RIC3: variants seen among roughly 807,000 people sequenced by gnomAD.
RIC3 encodes the protein protein RIC-3.
In RIC3, 28 loss-of-function variants were observed where a neutral mutation model predicts 27.3. The observed-to-expected ratio is 1.02, with a 90% CI of 0.76 to 1.41. The LOEUF is 1.41. Ranked by LOEUF, RIC3 falls within the 40% of genes most tolerant of loss-of-function variation. The pLI is 0.00. For missense variants in RIC3, 501 were observed against 444.7 expected (o/e 1.13, Z -1.14); for synonymous variants, 184 against 160.4 (o/e 1.15, Z -1.11).
chr11:8,121,573 G>T (rs867977272), intron 5 of RIC3, among the ~76,000 whole-genome samples: 1 of 152,116 alleles, frequency 6.6e-6, no homozygotes, highest in East Asian at 1.9e-4. Context: ...AAAATTAGCT[G>T]GGCATGGTGG....
intron 1 of RIC3, among the ~76,000 whole-genome samples, chr11:8,158,134 T>C (rs1161639784): frequency 1.3e-5 from 2 of 152,198 alleles, no homozygotes; most frequent in African/African-American, 2.4e-5. Context: ...TGTATATGTA[T>C]GTCATACATG....
chr11:8,111,711 C>T (rs541083369), intron 5 of RIC3, among the ~76,000 whole-genome samples: 2 of 152,204 alleles, frequency 1.3e-5, no homozygotes, highest in Non-Finnish European at 2.9e-5. Flanking sequence ...ACTGCATTTT[C>T]GGAAGACAGA....
At chr11:8,148,986 C>G (rs1949980344) in intron 1 of RIC3, among the ~76,000 whole-genome samples, 1 of 145,718 alleles carries the variant, frequency 6.9e-6, no homozygotes, top group African/African-American at 2.6e-5. Context: ...CAAGACCATC[C>G]TGGCTAACAC....
downstream of RIC3, chr11:8,103,419 C>T (rs1259876494): frequency 1.3e-5 from 2 of 152,246 alleles, no homozygotes; most frequent in Non-Finnish European, 2.9e-5. Context: ...GTATTTTAAA[C>T]GTGTTAGGCT....
the RIC3 span, chr11:8,098,737 CTG>C: frequency 7.0e-6 from 11 of 1,573,642 alleles, no homozygotes; most frequent in Non-Finnish European, 9.6e-6. Context: ...TGACTCTATA[CTG>C]ATTGTGCCTT....
At chr11:8,157,814 TCAAG>T (rs141749285) in intron 1 of RIC3, among the ~76,000 whole-genome samples, 27 of 152,354 alleles carry the variant, frequency 1.8e-4, no homozygotes, top group Non-Finnish European at 2.6e-4. Flanking sequence ...GGATGACTGA[TCAAG>T]CAAGGTATTC....
downstream of RIC3, chr11:8,101,834 GGATGAGAATA>G: frequency 1.4e-6 from 1 of 703,244 alleles, no homozygotes. Context: ...GGGTGTGAAG[GGATGAGAATA>G]ATTCTTTCCA....
chr11:8,161,874 A>C (rs962447118), intron 1 of RIC3, among the ~76,000 whole-genome samples: 2 of 151,658 alleles, frequency 1.3e-5, no homozygotes, highest in Admixed American at 6.6e-5. Flanking sequence ...GAATGTGAGG[A>C]GGTAATGTCC....
At chr11:8,160,622 C>G (rs1489860355) in intron 1 of RIC3, among the ~76,000 whole-genome samples, 1 of 152,146 alleles carries the variant, frequency 6.6e-6, no homozygotes, top group East Asian at 1.9e-4. Flanking sequence ...GCTCAGAATT[C>G]TAATATACAG....
intron 4 of RIC3, among the ~76,000 whole-genome samples, chr11:8,130,580 T>C (rs1282833285): frequency 6.6e-6 from 1 of 152,154 alleles, no homozygotes; most frequent in African/African-American, 2.4e-5. Context: ...TTTTCTTCCA[T>C]TAGGTCCCCT....
At chr11:8,116,027 T>G (rs964246982) in intron 5 of RIC3, among the ~76,000 whole-genome samples, 2 of 152,162 alleles carry the variant, frequency 1.3e-5, no homozygotes, top group African/African-American at 4.8e-5. Flanking sequence ...CAAAACAGTA[T>G]GTTACTGGCA....
intron 1 of RIC3, among the ~76,000 whole-genome samples, chr11:8,145,397 G>T (rs1292603059): frequency 6.6e-6 from 1 of 151,942 alleles, no homozygotes; most frequent in Non-Finnish European, 1.5e-5. Flanking sequence ...CATTTCTCTA[G>T]CTCCTTTGTG....
downstream of RIC3, chr11:8,101,110 A>G (rs1342766696): frequency 2.3e-6 from 3 of 1,302,502 alleles, no homozygotes; most frequent in South Asian, 1.4e-5. Context: ...AATGTGAGCT[A>G]TACAGCTAAG....
At chr11:8,130,623 C>T (rs78635737) in intron 4 of RIC3, among the ~76,000 whole-genome samples, 3,941 of 152,166 alleles carry the variant, frequency 0.026, 87 homozygotes, top group South Asian at 0.078. Context: ...TCTCACTGGC[C>T]TATTACCATT....
downstream of RIC3, among the ~76,000 whole-genome samples, chr11:8,101,228 G>C (rs1409969849): frequency 6.6e-6 from 1 of 152,152 alleles, no homozygotes; most frequent in Non-Finnish European, 1.5e-5. Flanking sequence ...TCAGGCACGG[G>C]AACACCCTTT....
intron 1 of RIC3, among the ~76,000 whole-genome samples, chr11:8,155,205 G>C (rs1950562627): frequency 7.2e-6 from 1 of 138,868 alleles, no homozygotes; most frequent in South Asian, 2.3e-4. Context: ...CTGGGCAACA[G>C]GAGACCCCAT....
At chr11:8,167,124 A>T (rs1240723087) in intron 1 of RIC3, among the ~76,000 whole-genome samples, 1 of 152,166 alleles carries the variant, frequency 6.6e-6, no homozygotes, top group Non-Finnish European at 1.5e-5. Flanking sequence ...AACAGAATTT[A>T]CAGTATTGGT....
chr11:8,137,657 C>A (rs1374099317), intron 3 of RIC3, among the ~76,000 whole-genome samples, 186 bp from the exon 4 acceptor site: 1 of 152,188 alleles, frequency 6.6e-6, no homozygotes, highest in Non-Finnish European at 1.5e-5. Flanking sequence ...CAAAGTGTGA[C>A]TGGGATATTT....
At chr11:8,145,573 T>C (rs572395736) in intron 1 of RIC3, among the ~76,000 whole-genome samples, 3 of 152,060 alleles carry the variant, frequency 2.0e-5, no homozygotes, top group African/African-American at 7.3e-5. Context: ...AGGATGGATA[T>C]AGCACAAACA....
Sources: allele counts gnomAD v4.1 joint callset (sites outside exome capture counted in the v4.1 genomes callset), GRCh38; gene constraint gnomAD v4.1.1; transcripts MANE v1.5; gene names NCBI Gene and HGNC (gene_info 2026-07-23, HGNC 2026-07-21).